Variants in CDKAL1 observed in about 807,000 individuals in gnomAD.
The protein encoded by CDKAL1 is CDKAL1 threonylcarbamoyladenosine tRNA methylthiotransferase.
In CDKAL1, 32 loss-of-function variants were observed where a neutral mutation model predicts 68.2. That is an observed-to-expected ratio of 0.47 (90% CI 0.35 to 0.63). The LOEUF is 0.63. Ranked by LOEUF, CDKAL1 falls within the 30% of genes least tolerant of loss-of-function variation. The pLI is 0.00. For missense variants in CDKAL1, 606 were observed against 696.7 expected (o/e 0.87, Z 1.47); for synonymous variants, 234 against 244.3 (o/e 0.96, Z 0.39).
At chr6:21,007,710 T>G (rs1767807950) in intron 11 of CDKAL1, among the ~76,000 whole-genome samples, 2 of 152,178 alleles carry the variant, frequency 1.3e-5, no homozygotes, top group Admixed American at 1.3e-4. Flanking sequence ...CTAATATTTT[T>G]GGGTGTTTAC....
In CDKAL1 at chr6:21,201,010, C is replaced by G. The variant is rs534473911; in HGVS notation, c.1384-100C>G. 5.7e-6 allele frequency: 6 copies of G among 1,052,740 alleles called. No individual in the cohort carries two copies. The African/African-American group carries it at 9.6e-5, about 17-fold the overall frequency. 65.2% of individuals were successfully genotyped at this position (1,052,740 alleles called of 1,614,324 possible). ...AAACTGGGAGTTAGGTATACAGGAG[C>G]TCTCCATACTATCTTTGCAATAATT... On this transcript the variant is annotated intron_variant, in intron 14 of 15. Transcript: ENST00000274695.
chr6:21,139,976 A>C (rs1284056520), intron 13 of CDKAL1, among the ~76,000 whole-genome samples: 2 of 152,230 alleles, frequency 1.3e-5, no homozygotes, highest in Non-Finnish European at 2.9e-5. Context: ...GACTGCAAAA[A>C]CGCACAGATA....
At position 20,800,957 on chromosome 6, in the gene CDKAL1, A is replaced by C. The variant is rs1776341604; in HGVS notation, c.638+19692A>C. ...TGGGGTAAACAGGTCTTGCCCTGTCATCCAGGCTGGAGCATGATGGTGCTT... is the reference window on the plus strand; with the variant it reads ...TGGGGTAAACAGGTCTTGCCCTGTCCTCCAGGCTGGAGCATGATGGTGCTT... On this transcript the variant is annotated intron_variant, in intron 8 of 15. Transcript: ENST00000274695. Among the ~76,000 whole-genome samples the C allele has an allele frequency of 2.0e-5, 3 of 152,022 alleles. 1 individual carries two copies. In the East Asian group the frequency reaches 5.8e-4, roughly 30 times the overall value.
At chr6:21,147,980 A>G (rs1776257872) in intron 13 of CDKAL1, among the ~76,000 whole-genome samples, 1 of 152,244 alleles carries the variant, frequency 6.6e-6, no homozygotes. Context: ...GCATGTTCTA[A>G]TTACGGGGAT....
chr6:20,984,848 AG>A (rs1766367112), intron 10 of CDKAL1, among the ~76,000 whole-genome samples: 1 of 151,862 alleles, frequency 6.6e-6, no homozygotes, highest in Admixed American at 6.6e-5. Context: ...GGTTTTGGAA[AG>A]GACAACATTT....
At chr6:20,839,816 C>G (rs1028701046) in intron 8 of CDKAL1, among the ~76,000 whole-genome samples, 12 of 152,152 alleles carry the variant, frequency 7.9e-5, no homozygotes, top group African/African-American at 2.9e-4. Flanking sequence ...AGCACTCCTC[C>G]TAGCTGTGTA....
chr6:20,721,408 C>A (rs995751724), intron 5 of CDKAL1, among the ~76,000 whole-genome samples: 1 of 152,026 alleles, frequency 6.6e-6, no homozygotes, highest in African/African-American at 2.4e-5. Flanking sequence ...TTATTTCATT[C>A]TTTTTATGGC....
rs190372692 is a variant in CDKAL1 at position 20,893,178 on chromosome 6, G to A, written c.742+47000G>A. On this transcript the variant is annotated intron_variant, in intron 9 of 15. Coordinates refer to ENST00000274695, the MANE Select transcript of CDKAL1 (RefSeq NM_017774.3). ...TTTGACTTGGCATCACAAAAGAAGCGCATTAGAACATCTTAATAATGTACT... is the reference window on the plus strand; with the variant it reads ...TTTGACTTGGCATCACAAAAGAAGCACATTAGAACATCTTAATAATGTACT... Among the ~76,000 whole-genome samples, 223 of 152,296 alleles carry A rather than the reference G, an allele frequency of 1.5e-3. 1 individual carries two copies. The highest frequency in any genetic ancestry group is 5.0e-3 in the African/African-American group (207 of 41,568).
At chr6:20,543,101 G>C (rs1030027455) in intron 2 of CDKAL1, among the ~76,000 whole-genome samples, 2 of 152,102 alleles carry the variant, frequency 1.3e-5, no homozygotes, top group Non-Finnish European at 2.9e-5. Context: ...CCAGATTTGG[G>C]CTATTACAAA....
chr6:20,847,157 C>T (rs7742468), intron 9 of CDKAL1, among the ~76,000 whole-genome samples: 27,492 of 152,096 alleles, frequency 0.18, 2,652 homozygotes, highest in East Asian at 0.34. Context: ...AACAGTTTTT[C>T]TCTACTTGTA....
At chr6:20,841,313 T>C (rs1454755633) in intron 8 of CDKAL1, among the ~76,000 whole-genome samples, 1 of 152,228 alleles carries the variant, frequency 6.6e-6, no homozygotes, top group African/African-American at 2.4e-5. Context: ...ACCAGAAGAC[T>C]GTGTCACATT....
At chr6:20,842,497 G>C (rs892520911) in intron 8 of CDKAL1, among the ~76,000 whole-genome samples, 1 of 152,126 alleles carries the variant, frequency 6.6e-6, no homozygotes, top group African/African-American at 2.4e-5. Flanking sequence ...ACTGTGGATA[G>C]GATGAACCCG....
intron 9 of CDKAL1, among the ~76,000 whole-genome samples, chr6:20,952,603 G>A (rs748018386): frequency 3.3e-5 from 5 of 152,348 alleles, no homozygotes; most frequent in East Asian, 1.9e-4. Context: ...AGAACTGAAC[G>A]TGCAAAGAAA....
At chr6:20,933,398 T>A (rs906494832) in intron 9 of CDKAL1, among the ~76,000 whole-genome samples, 1 of 152,202 alleles carries the variant, frequency 6.6e-6, no homozygotes, top group African/African-American at 2.4e-5. Flanking sequence ...TAGATGGTAG[T>A]TGACTCTAAG....
intron 12 of CDKAL1, among the ~76,000 whole-genome samples, chr6:21,097,035 T>TAA (rs1773351118): frequency 6.6e-6 from 1 of 152,242 alleles, no homozygotes; most frequent in Non-Finnish European, 1.5e-5. Context: ...TATTGGAAAG[T>TAA]AAAATTCAGC....
chr6:21,077,695 G>A (rs1173425900), intron 12 of CDKAL1, among the ~76,000 whole-genome samples: 1 of 152,186 alleles, frequency 6.6e-6, no homozygotes, highest in East Asian at 1.9e-4. Context: ...CAGCAAGGGG[G>A]AAGTCTGCCC....
chr6:21,077,096 G>T (rs1356749947), intron 12 of CDKAL1, among the ~76,000 whole-genome samples: 1 of 151,772 alleles, frequency 6.6e-6, no homozygotes, highest in Admixed American at 6.6e-5. Flanking sequence ...AATAATCTTT[G>T]ATTTTTCTAT....
chr6:20,903,854 C>T, intron 9 of CDKAL1, among the ~76,000 whole-genome samples: 1 of 152,210 alleles, frequency 6.6e-6, no homozygotes, highest in Admixed American at 6.5e-5. Flanking sequence ...AGGAATCTGT[C>T]TCCCCAACTA....
chr6:21,093,378 T>A (rs1260903246), intron 12 of CDKAL1, among the ~76,000 whole-genome samples: 1 of 152,194 alleles, frequency 6.6e-6, no homozygotes, highest in African/African-American at 2.4e-5. Context: ...ATTTTGGGCA[T>A]CATGAAAACA....
Sources: gnomAD v4.1 joint callset for allele counts (sites outside exome capture counted in the v4.1 genomes callset) on GRCh38, gnomAD v4.1.1 for gene constraint, MANE v1.5 for transcripts, NCBI Gene and HGNC (gene_info 2026-07-23, HGNC 2026-07-21) for gene names.